MFN1: variants seen among roughly 807,000 people sequenced by gnomAD.
MFN1 encodes the protein mitofusin 1, also known as mitofusin-1.
A neutral mutation model predicts 92.4 loss-of-function variants in MFN1; 65 were observed. That is an observed-to-expected ratio of 0.70 (90% CI 0.58 to 0.86). MFN1 has a LOEUF of 0.86. Ranked by LOEUF, MFN1 falls within the 40% of genes least tolerant of loss-of-function variation. The pLI, the probability that MFN1 is intolerant of heterozygous loss-of-function variation, is 0.00. For missense variants in MFN1, 781 were observed against 868.0 expected (o/e 0.90, Z 1.26); for synonymous variants, 297 against 300.9 (o/e 0.99, Z 0.13).
At chr3:179,359,105 A>C in intron 4 of MFN1, 103 bp downstream of exon 4, 1 of 1,265,914 alleles carries the variant, frequency 7.9e-7, no homozygotes, top group Non-Finnish European at 1.0e-6. Context: ...GACATCTTAT[A>C]AAAAGAACTG....
Position 179,370,392 on chromosome 3 carries a change from CTTTTTTTT to C in MFN1, c.975+2305_975+2312del, listed in dbSNP as rs34938438. The stretch of plus-strand genomic sequence containing the variant: ...TTTTTGGGGTTTCATTCACTAAGTT[CTTTTTTTT>C]TTTTTTTTTTTTTTTGAGACAGAGT... On this transcript the variant is annotated intron_variant, in intron 9 of 17. Coordinates refer to ENST00000471841, the MANE Select transcript of MFN1 (RefSeq NM_033540.3). Among the ~76,000 whole-genome samples the C allele has an allele frequency of 2.5e-3, 218 of 88,088 alleles. 2 individuals carry two copies. Among genetic ancestry groups the C allele is most frequent in the African/African-American group, 9.3e-3 (208 of 22,302 alleles). The allele number at this position is 88,088 out of a possible 152,430, so 57.8% of individuals were successfully genotyped here.
chr3:179,358,268 A>C (rs1403718193), intron 3 of MFN1, among the ~76,000 whole-genome samples: 1 of 149,542 alleles, frequency 6.7e-6, no homozygotes, highest in Non-Finnish European at 1.5e-5. Flanking sequence ...CTTCTGCCTC[A>C]GTCTCCTGAG....
rs781627084 is a variant in MFN1 at position 179,357,006 on chromosome 3, G to A, written c.249-1834G>A. On this transcript the variant is annotated intron_variant, in intron 3 of 17. Transcript: ENST00000471841. ...TTGGAGTACCCAAAGTGTAGAGGTC[G>A]TTGATTGGTTGCAACTTGCAGAGTG... is the stretch of plus-strand genomic sequence containing the variant. Among the ~76,000 whole-genome samples the A allele has an allele frequency of 2.2e-4, 33 of 152,102 alleles. 1 individual carries two copies. Among genetic ancestry groups the A allele is most frequent in the Non-Finnish European group, 7.4e-5 (5 of 68,014 alleles).
chr3:179,386,025 C>G (rs895683752), intron 15 of MFN1, among the ~76,000 whole-genome samples: 2 of 152,100 alleles, frequency 1.3e-5, no homozygotes, highest in African/African-American at 4.8e-5. Context: ...CCCCAGGTGC[C>G]CTATCTAGCC....
chr3:179,377,825 G>A (rs1422488562), intron 12 of MFN1, among the ~76,000 whole-genome samples: 1 of 152,134 alleles, frequency 6.6e-6, no homozygotes, highest in African/African-American at 2.4e-5. Flanking sequence ...AGCACTTTGG[G>A]AGGCTGAGGC....
chr3:179,352,113 TCCCATCCTCC>T, intron 3 of MFN1, 78 bp downstream of exon 3: 1 of 1,415,414 alleles, frequency 7.1e-7, no homozygotes, highest in South Asian at 1.5e-5. Context: ...GTAATATTTC[TCCCATCCTCC>T]CCCAGCCCCG....
In MFN1 at chr3:179,394,119, A is replaced by T. The variant is rs1331688382; in HGVS notation, c.*2060A>T. 1 of 152,240 alleles carries T rather than the reference A, an allele frequency of 6.6e-6. No homozygotes were observed. The highest frequency in any genetic ancestry group is 1.5e-5 in the Non-Finnish European group (1 of 68,088). The allele number at this position is 152,240 out of a possible 1,614,324, so 9.4% of individuals were successfully genotyped here. ...TACCTCAGCCTCCCAAACTGTTGGG[A>T]TAACAGGTGTAAGCCACCACACACA... On this transcript the variant is annotated 3_prime_UTR_variant, in exon 18 of 18. Transcript: ENST00000471841.
chr3:179,351,232 CTCCAGCCATGGAG>C (rs1712134654), intron 2 of MFN1, among the ~76,000 whole-genome samples: 1 of 152,174 alleles, frequency 6.6e-6, no homozygotes, highest in Non-Finnish European at 1.5e-5. Context: ...TTTCAACTAC[CTCCAGCCATGGAG>C]GAGAGGTGAG....
chr3:179,361,657 C>T (rs113217885), intron 4 of MFN1, among the ~76,000 whole-genome samples: 2,205 of 152,130 alleles, frequency 0.014, 61 homozygotes, highest in African/African-American at 0.051. Context: ...CTGTCTCCGC[C>T]TCCCGAGTAG....
intron 14 of MFN1, among the ~76,000 whole-genome samples, 199 bp from the exon 15 acceptor site, chr3:179,385,370 A>G (rs756278396): frequency 1.3e-5 from 2 of 151,720 alleles, no homozygotes; most frequent in Non-Finnish European, 2.9e-5. Context: ...ATGAAAATTT[A>G]TTGTTCATGA....
intron 2 of MFN1, among the ~76,000 whole-genome samples, chr3:179,350,105 G>T (rs1352775830): frequency 6.6e-6 from 1 of 151,320 alleles, no homozygotes; most frequent in Non-Finnish European, 1.5e-5. Flanking sequence ...GTGAACCGAA[G>T]TCGCCCACTG....
intron 3 of MFN1, among the ~76,000 whole-genome samples, chr3:179,353,457 C>T (rs1482209199): frequency 6.6e-6 from 1 of 152,082 alleles, no homozygotes; most frequent in African/African-American, 2.4e-5. Flanking sequence ...AACCACTCAC[C>T]TCGGCCTCCC....
chr3:179,356,816 T>C (rs1712361213), intron 3 of MFN1, among the ~76,000 whole-genome samples: 1 of 152,208 alleles, frequency 6.6e-6, no homozygotes, highest in East Asian at 1.9e-4. Context: ...GGACCCAAAC[T>C]GTAACTATAG....
chr3:179,373,254 GTCTT>G (rs138784698), intron 9 of MFN1, among the ~76,000 whole-genome samples: 26,330 of 152,068 alleles, frequency 0.17, 2,352 homozygotes, highest in Admixed American at 0.24. Context: ...AGAGATTATA[GTCTT>G]TCTGAGTGCT....
chr3:179,369,141 G>A (rs1046821299), intron 9 of MFN1, among the ~76,000 whole-genome samples: 8 of 152,090 alleles, frequency 5.3e-5, no homozygotes, highest in Non-Finnish European at 1.2e-4. Flanking sequence ...TGAAGTCCCC[G>A]TTACTCAAAG....
intron 14 of MFN1, among the ~76,000 whole-genome samples, chr3:179,380,646 A>G (rs1023590195): frequency 6.6e-6 from 1 of 152,148 alleles, no homozygotes; most frequent in Admixed American, 6.5e-5. Context: ...CATTATTTCA[A>G]CCTTGTGACC....
At chr3:179,371,423 G>A (rs1467822778) in intron 9 of MFN1, among the ~76,000 whole-genome samples, 2 of 152,058 alleles carry the variant, frequency 1.3e-5, no homozygotes, top group Non-Finnish European at 2.9e-5. Flanking sequence ...TGAGGTAGAA[G>A]GCCAAGAAGT....
chr3:179,368,932 A>G (rs764061039), intron 9 of MFN1, among the ~76,000 whole-genome samples: 35 of 152,324 alleles, frequency 2.3e-4, no homozygotes, highest in Middle Eastern at 3.4e-3. Context: ...AATGTTGAGT[A>G]TACTTGGCAG....
chr3:179,364,338 A>G lies in MFN1; in HGVS notation c.578A>G (p.Asp193Gly), dbSNP rs906863844. Residue 193 changes from aspartate to glycine, a missense_variant, in exon 6 of 18, where the codon GAT becomes GGT. Asp to Gly is a moderately conservative substitution (Grantham distance 94, BLOSUM62 -1). Coordinates refer to ENST00000471841, the MANE Select transcript of MFN1 (RefSeq NM_033540.3). Reference protein sequence around the residue: ...DVTTELDSWIDKFCLDADVFV... With the variant: ...DVTTELDSWIGKFCLDADVFV... The stretch of plus-strand genomic sequence containing the variant: ...ACTACAGAGCTGGATAGCTGGATTG[A>G]TAAGTTTTGCCTAGATGCTGATGTC... 22 of 1,613,822 alleles carry G rather than the reference A, an allele frequency of 1.4e-5. No homozygotes were observed. Among genetic ancestry groups the G allele is most frequent in the Non-Finnish European group, 1.9e-5 (22 of 1,179,904 alleles).
Sources: gnomAD v4.1 joint callset for allele counts (sites outside exome capture counted in the v4.1 genomes callset) on GRCh38, gnomAD v4.1.1 for gene constraint, MANE v1.5 for transcripts, NCBI Gene and HGNC (gene_info 2026-07-23, HGNC 2026-07-21) for gene names.